Variants in CCDC60 observed in about 807,000 individuals in gnomAD.
The protein encoded by CCDC60 is coiled-coil domain containing 60, also known as coiled-coil domain-containing protein 60.
CCDC60 carries 54 observed loss-of-function variants against 63.5 expected under a neutral mutation model. The ratio of observed to expected loss-of-function variants is 0.85; its 90% CI spans 0.68 to 1.07. CCDC60 has a LOEUF of 1.07. CCDC60 is among the 50% of genes least tolerant of loss of function. CCDC60 has a pLI of 0.00. For missense variants in CCDC60, 651 were observed against 684.3 expected, an observed-to-expected ratio of 0.95 and a Z score of 0.54; for synonymous variants, 206 against 238.8, an observed-to-expected ratio of 0.86 and a Z score of 1.27.
chr12:119,506,905 G>A (rs952091951), intron 7 of CCDC60, among the ~76,000 whole-genome samples: 12 of 152,132 alleles, frequency 7.9e-5, no homozygotes, highest in Admixed American at 3.9e-4. Flanking sequence ...ACAGAAAGAT[G>A]GAGAAGGTAG....
At chr12:119,335,553 T>C (rs897250935) in intron 1 of CCDC60, among the ~76,000 whole-genome samples, 4 of 150,990 alleles carry the variant, frequency 2.6e-5, no homozygotes, top group Non-Finnish European at 4.4e-5. Flanking sequence ...TGGCCAGTGA[T>C]GATGAGCATT....
chr12:119,448,723 T>G (rs1385373290), intron 2 of CCDC60, among the ~76,000 whole-genome samples: 1 of 152,106 alleles, frequency 6.6e-6, no homozygotes, highest in Non-Finnish European at 1.5e-5. Flanking sequence ...AAGGCAGACT[T>G]GGCAATATTC....
intron 12 of CCDC60, among the ~76,000 whole-genome samples, chr12:119,529,569 T>A (rs970867288): frequency 2.0e-5 from 3 of 151,648 alleles, no homozygotes; most frequent in Non-Finnish European, 2.9e-5. Context: ...CTTCCATGAG[T>A]TTTATAATGT....
At chr12:119,453,511 A>G (rs1950671881) in intron 2 of CCDC60, among the ~76,000 whole-genome samples, 1 of 152,126 alleles carries the variant, frequency 6.6e-6, no homozygotes, top group South Asian at 2.1e-4. Context: ...TTTTCCTACC[A>G]CCACTGGCAC....
intron 1 of CCDC60, among the ~76,000 whole-genome samples, chr12:119,408,897 G>C (rs1956543594): frequency 6.6e-6 from 1 of 152,108 alleles, no homozygotes; most frequent in Admixed American, 6.5e-5. Flanking sequence ...CTTGCTATGT[G>C]GACCTCTCCC....
At chr12:119,371,007 G>A (rs574019654) in intron 1 of CCDC60, among the ~76,000 whole-genome samples, 82 of 152,208 alleles carry the variant, frequency 5.4e-4, no homozygotes, top group African/African-American at 1.7e-3. Flanking sequence ...ACTCCAGCCT[G>A]GGTGACAAAG....
At chr12:119,433,559 G>C (rs911685441) in intron 2 of CCDC60, 3 of 702,214 alleles carry the variant, frequency 4.3e-6, no homozygotes, top group African/African-American at 3.5e-5. Context: ...TGTTTTCCAA[G>C]GGAAGTCATC....
rs1456774577 is a variant in CCDC60, at chr12:119,530,935, A to T, written c.1423A>T (p.Ile475Phe). ...AAAGAACTTCCGCCCCGCCAAAAAG[A>T]TCCTGGTGAAACTGCAGAAGTTTGG... ...DLKNFRPAKK[I>F]LVKLQKFGEN... Residue 475 changes from isoleucine (I) to phenylalanine (F), a missense_variant, in exon 13 of 14, where the codon ATC becomes TTC. By Grantham distance (21) the Ile-to-Phe change is conservative. Coordinates refer to ENST00000327554, the MANE Select transcript of CCDC60 (RefSeq NM_178499.5). 6.2e-7 allele frequency: 1 copy of T among 1,614,060 alleles called. No individual in the cohort carries two copies. Among genetic ancestry groups the T allele is most frequent in the African/African-American group, 1.3e-5 (1 of 74,944 alleles).
chr12:119,371,984 G>T (rs527519390), intron 1 of CCDC60, among the ~76,000 whole-genome samples: 1 of 152,144 alleles, frequency 6.6e-6, no homozygotes, highest in African/African-American at 2.4e-5. Flanking sequence ...TAGGCCGGAC[G>T]CAGTGGCTCA....
chr12:119,513,189 A>G (rs1952258821), intron 7 of CCDC60, among the ~76,000 whole-genome samples: 1 of 152,180 alleles, frequency 6.6e-6, no homozygotes, highest in Admixed American at 6.5e-5. Flanking sequence ...ATTTGCAAAT[A>G]TATATCCACA....
At chr12:119,484,308 C>A (rs1233605075) in intron 4 of CCDC60, among the ~76,000 whole-genome samples, 1 of 152,158 alleles carries the variant, frequency 6.6e-6, no homozygotes, top group African/African-American at 2.4e-5. Context: ...GAACAGTGGT[C>A]TGGCATAGAG....
At chr12:119,530,730 T>A in intron 12 of CCDC60, 144 bp from the exon 13 acceptor site, 1 of 583,828 alleles carries the variant, frequency 1.7e-6, no homozygotes, top group Non-Finnish European at 3.0e-6. Flanking sequence ...GATCTGTGGG[T>A]CACAGAGGAA....
At chr12:119,472,709 T>C (rs1206918951) in intron 3 of CCDC60, among the ~76,000 whole-genome samples, 2 of 151,100 alleles carry the variant, frequency 1.3e-5, no homozygotes, top group African/African-American at 4.9e-5. Flanking sequence ...GCCTCCCAAG[T>C]AGCTGGGATT....
chr12:119,423,411 C>T (rs975067508), intron 1 of CCDC60, among the ~76,000 whole-genome samples: 5 of 152,142 alleles, frequency 3.3e-5, no homozygotes, highest in Admixed American at 6.5e-5. Flanking sequence ...ATTTCCATTT[C>T]CTGCTCCCAC....
At chr12:119,403,201 A>G (rs190079959) in intron 1 of CCDC60, among the ~76,000 whole-genome samples, 157 of 152,264 alleles carry the variant, frequency 1.0e-3, no homozygotes, top group African/African-American at 3.7e-3. Context: ...CCTGAGACTA[A>G]ATACCTTGGT....
At chr12:119,458,160 C>T (rs752035876) in intron 2 of CCDC60, among the ~76,000 whole-genome samples, 1 of 152,184 alleles carries the variant, frequency 6.6e-6, no homozygotes, top group Non-Finnish European at 1.5e-5. Flanking sequence ...CCAGCCTCAA[C>T]CAATTGGGAA....
At chr12:119,520,028 T>G (rs1022380973) in intron 8 of CCDC60, 93 bp from the exon 9 acceptor site, 19 of 1,061,044 alleles carry the variant, frequency 1.8e-5, no homozygotes, top group Admixed American at 1.5e-4. Context: ...ATTCTTGCTC[T>G]AGAAAGAGAA....
intron 2 of CCDC60, among the ~76,000 whole-genome samples, chr12:119,445,019 A>T (rs1950515641): frequency 6.6e-6 from 1 of 151,900 alleles, no homozygotes; most frequent in African/African-American, 2.4e-5. Flanking sequence ...CCAAAGTGAA[A>T]ATACCCTCAA....
At chr12:119,429,919 T>C (rs934522631) in intron 2 of CCDC60, among the ~76,000 whole-genome samples, 1 of 152,168 alleles carries the variant, frequency 6.6e-6, no homozygotes, top group African/African-American at 2.4e-5. Flanking sequence ...CAGGTGAAAG[T>C]AATTCTAATA....
Sources: gnomAD v4.1 joint callset for allele counts (sites outside exome capture counted in the v4.1 genomes callset) on GRCh38, gnomAD v4.1.1 for gene constraint, MANE v1.5 for transcripts, NCBI Gene and HGNC (gene_info 2026-07-23, HGNC 2026-07-21) for gene names.